Variants in AKAP6 observed in about 807,000 individuals in gnomAD.
The protein encoded by AKAP6 is A-kinase anchoring protein 6.
Under a neutral mutation model 188.5 loss-of-function variants are expected in AKAP6, and 58 were observed. The ratio of observed to expected loss-of-function variants is 0.31; its 90% CI spans 0.25 to 0.38. The LOEUF (loss-of-function observed/expected upper bound fraction) is 0.38, where lower values mean the gene tolerates loss of function less well. Ranked by LOEUF, AKAP6 falls within the 10% of genes least tolerant of loss-of-function variation. The pLI is 1.00. For missense variants in AKAP6, 2,710 were observed against 2,740.0 expected (o/e 0.99, Z 0.24); for synonymous variants, 989 against 998.6 (o/e 0.99, Z 0.18).
intron 2 of AKAP6, among the ~76,000 whole-genome samples, chr14:32,477,598 T>G (rs1484370138): frequency 1.3e-5 from 2 of 152,230 alleles, no homozygotes; most frequent in Non-Finnish European, 2.9e-5. Flanking sequence ...ATGAATTTAG[T>G]GCTGCAATTT....
At chr14:32,360,034 A>G (rs1156560769) in intron 1 of AKAP6, among the ~76,000 whole-genome samples, 1 of 152,210 alleles carries the variant, frequency 6.6e-6, no homozygotes, top group Non-Finnish European at 1.5e-5. Context: ...AGGGAGGTCT[A>G]TCAAAGAATC....
chr14:32,665,366 G>T (rs1888880998), intron 7 of AKAP6, among the ~76,000 whole-genome samples: 1 of 152,168 alleles, frequency 6.6e-6, no homozygotes, highest in East Asian at 1.9e-4. Flanking sequence ...TAATATGCTG[G>T]AGCAGCTCAC....
At chr14:32,504,774 A>G (rs183955394) in intron 2 of AKAP6, among the ~76,000 whole-genome samples, 1 of 152,116 alleles carries the variant, frequency 6.6e-6, no homozygotes, top group Non-Finnish European at 1.5e-5. Flanking sequence ...ACAATAAACA[A>G]CTCTCAGATC....
intron 10 of AKAP6, 29 bp from the exon 11 acceptor site, chr14:32,735,629 A>C: frequency 6.9e-7 from 1 of 1,448,692 alleles, no homozygotes; most frequent in Non-Finnish European, 9.3e-7. Context: ...TGTTTGTTTT[A>C]TTTTTTGTTT....
intron 2 of AKAP6, among the ~76,000 whole-genome samples, chr14:32,514,394 C>T (rs1881414977): frequency 6.6e-6 from 1 of 152,156 alleles, no homozygotes; most frequent in Admixed American, 6.5e-5. Context: ...GGCATAGAAA[C>T]ACATCCTTAG....
chr14:32,415,868 C>T (rs1889640047), intron 1 of AKAP6, among the ~76,000 whole-genome samples: 1 of 152,142 alleles, frequency 6.6e-6, no homozygotes, highest in Admixed American at 6.5e-5. Flanking sequence ...TCAGATTTTC[C>T]TTCCTTTTTA....
In AKAP6 at chr14:32,577,252, A is replaced by G. The variant is rs200473045; in HGVS notation, c.2469+10A>G. 1.2e-6 allele frequency: 2 copies of G among 1,607,472 alleles called. No homozygotes were observed. The highest frequency in any genetic ancestry group is 1.3e-5 in the African/African-American group (1 of 74,736). On this transcript the variant is annotated intron_variant, in intron 5 of 13. Transcript: ENST00000280979. The stretch of plus-strand genomic sequence containing the variant: ...TCTGGAGACACACTTGGTAGGCAAG[A>G]TTGTGTTGTTCTTGCTGTCAATAAT...
intron 1 of AKAP6, among the ~76,000 whole-genome samples, chr14:32,355,951 A>G (rs1021016798): frequency 6.6e-6 from 1 of 151,146 alleles, no homozygotes; most frequent in Admixed American, 6.6e-5. Flanking sequence ...ATTTTTATAT[A>G]TTTTTTTCGT....
intron 9 of AKAP6, among the ~76,000 whole-genome samples, chr14:32,705,545 T>A (rs1890778575): frequency 6.6e-6 from 1 of 152,198 alleles, no homozygotes; most frequent in African/African-American, 2.4e-5. Context: ...TAAATTTGAT[T>A]GTGTCAGTGC....
chr14:32,411,330 T>C (rs1233939911), intron 1 of AKAP6, among the ~76,000 whole-genome samples: 1 of 152,182 alleles, frequency 6.6e-6, no homozygotes, highest in African/African-American at 2.4e-5. Context: ...AGATATTTCC[T>C]TTAGATTTGA....
chr14:32,529,172 T>C (rs1161063868), intron 2 of AKAP6, among the ~76,000 whole-genome samples: 4 of 152,236 alleles, frequency 2.6e-5, no homozygotes, highest in African/African-American at 9.6e-5. Context: ...AGTTTTCATA[T>C]AGATCTTGTA....
intron 2 of AKAP6, among the ~76,000 whole-genome samples, chr14:32,510,488 GTGTA>G (rs374094016): frequency 0.01 from 1,199 of 118,334 alleles, 62 homozygotes; most frequent in African/African-American, 0.036. Context: ...ATATATATAT[GTGTA>G]TATATATATA....
At chr14:32,607,121 C>A (rs1956221) in intron 7 of AKAP6, among the ~76,000 whole-genome samples, 13,493 of 152,178 alleles carry the variant, frequency 0.089, 834 homozygotes, top group Non-Finnish European at 0.14. Flanking sequence ...AGCTTCTTGG[C>A]AAGATGTTTT....
chr14:32,527,508 A>C lies in AKAP6; in HGVS notation c.325-8046A>C, dbSNP rs80133690. Among the ~76,000 whole-genome samples, 45 of 152,258 alleles carry C rather than the reference A, an allele frequency of 3.0e-4. No homozygotes were observed. In the East Asian group the frequency reaches 7.9e-3, roughly 27 times the overall value. ...TGCGATTGCTGGTTTTTATGGTGAG[A>C]ATATGTTTAGCTTTGTAAGAAACCA... On this transcript the variant is annotated intron_variant, in intron 2 of 13. Transcript: ENST00000280979.
chr14:32,786,324 T>TTTTTTTTTTTTTTTTTC (rs1555362343), intron 12 of AKAP6, among the ~76,000 whole-genome samples: 1 of 127,682 alleles, frequency 7.8e-6, no homozygotes, highest in Non-Finnish European at 1.6e-5. Context: ...TTTTTTTTTT[T>TTTTTTTTTTTTTTTTTC]TGAGACGGAA....
intron 2 of AKAP6, among the ~76,000 whole-genome samples, chr14:32,500,411 G>A (rs765290030): frequency 6.6e-6 from 1 of 152,198 alleles, no homozygotes; most frequent in Non-Finnish European, 1.5e-5. Context: ...AAGGACAGAG[G>A]GATAATACAA....
At chr14:32,733,390 G>A (rs2031273668) in intron 10 of AKAP6, 1 of 152,074 alleles carries the variant, frequency 6.6e-6, no homozygotes, top group Non-Finnish European at 1.5e-5. Flanking sequence ...TCAAGGGTAA[G>A]CTATATTTGT....
intron 11 of AKAP6, among the ~76,000 whole-genome samples, chr14:32,759,983 A>G (rs1299570724): frequency 6.6e-6 from 1 of 152,214 alleles, no homozygotes; most frequent in Non-Finnish European, 1.5e-5. Context: ...AACTTTATCA[A>G]AGCAACAATG....
intron 8 of AKAP6, among the ~76,000 whole-genome samples, chr14:32,688,773 C>A (rs1473534309): frequency 1.3e-5 from 2 of 152,008 alleles, no homozygotes; most frequent in Non-Finnish European, 2.9e-5. Context: ...AAGAACAGTT[C>A]TGTAAGTAAC....
Sources: allele counts gnomAD v4.1 joint callset (sites outside exome capture counted in the v4.1 genomes callset), GRCh38; gene constraint gnomAD v4.1.1; transcripts MANE v1.5; gene names NCBI Gene and HGNC (gene_info 2026-07-23, HGNC 2026-07-21).